The following SYN2 variants were observed in gnomAD, a reference collection of about 807,000 sequenced individuals.
The protein encoded by SYN2 is synapsin II, also known as synapsin-2.
In SYN2, 19 loss-of-function variants were observed where a neutral mutation model predicts 50.9. The ratio of observed to expected loss-of-function variants is 0.37; its 90% CI spans 0.26 to 0.55. The LOEUF (loss-of-function observed/expected upper bound fraction) is 0.55. Among genes scored for constraint, SYN2 ranks in the 20% least tolerant of loss-of-function variants. The pLI, the probability that SYN2 is intolerant of heterozygous loss-of-function variation, is 0.81. For synonymous variants in SYN2, 255 were observed against 224.9 expected, an observed-to-expected ratio of 1.13 and a Z score of -1.20; for missense variants, 587 against 576.4, an observed-to-expected ratio of 1.02 and a Z score of -0.19.
intron 11 of SYN2, chr3:12,184,321 C>A: frequency 1.0e-6 from 1 of 985,824 alleles, no homozygotes; most frequent in Non-Finnish European, 1.2e-6. Context: ...TGGATCCAGC[C>A]ATGTGTGCGC....
chr3:12,151,471 G>A lies in SYN2; in HGVS notation c.774+145G>A, dbSNP rs1348899127. On this transcript the variant is annotated intron_variant, in intron 5 of 12. Transcript: ENST00000621198. Reference sequence around the variant, plus strand: ...TTGAACTATAGAGCTTATGCGGCTGGAATAACTAGATTTTAGCTGACAGCC... The same window carrying A: ...TTGAACTATAGAGCTTATGCGGCTGAAATAACTAGATTTTAGCTGACAGCC... The A allele has an allele frequency of 6.5e-5, 41 of 628,980 alleles. No individual in the cohort carries two copies. The East Asian group carries it at 1.1e-3, about 17-fold the overall frequency. 39.0% of individuals were successfully genotyped at this position (628,980 alleles called of 1,614,324 possible). A position where few individuals can be genotyped will look rare whatever the true frequency, so the allele number is the denominator to read the frequency against.
At chr3:12,184,571 G>C (rs920112108) in intron 11 of SYN2, 3 of 985,802 alleles carry the variant, frequency 3.0e-6, no homozygotes, top group Non-Finnish European at 3.6e-6. Context: ...TCAGTTCTCA[G>C]CTGTTTACCA....
intron 1 of SYN2, among the ~76,000 whole-genome samples, chr3:12,058,353 A>G (rs902942525): frequency 6.6e-6 from 1 of 152,196 alleles, no homozygotes; most frequent in African/African-American, 2.4e-5. Context: ...CTGTGTGTAT[A>G]TATAGGACTA....
chr3:12,112,072 G>T (rs1000962605), intron 1 of SYN2, among the ~76,000 whole-genome samples: 1 of 152,184 alleles, frequency 6.6e-6, no homozygotes, highest in Non-Finnish European at 1.5e-5. Context: ...TAGAATCTCT[G>T]CTAAGAGGGG....
chr3:12,067,622 A>C (rs1695243596), intron 1 of SYN2, among the ~76,000 whole-genome samples: 1 of 151,886 alleles, frequency 6.6e-6, no homozygotes, highest in Non-Finnish European at 1.5e-5. Context: ...ACCAGAAAAA[A>C]AAAAAAAAGG....
At chr3:12,049,084 T>C (rs1286565172) in intron 1 of SYN2, among the ~76,000 whole-genome samples, 1 of 152,174 alleles carries the variant, frequency 6.6e-6, no homozygotes, top group Admixed American at 6.5e-5. Flanking sequence ...TCTCATTCAT[T>C]GAGCACATGC....
intron 1 of SYN2, among the ~76,000 whole-genome samples, chr3:12,049,196 C>T (rs1694804060): frequency 1.3e-5 from 2 of 151,820 alleles, no homozygotes; most frequent in Admixed American, 1.3e-4. Flanking sequence ...AACATTGGGC[C>T]CAAAAGAGCA....
At chr3:12,041,916 T>C (rs1694627110) in intron 1 of SYN2, among the ~76,000 whole-genome samples, 1 of 152,182 alleles carries the variant, frequency 6.6e-6, no homozygotes, top group South Asian at 2.1e-4. Flanking sequence ...GCTCAAAACG[T>C]TCCTTTCTTC....
intron 1 of SYN2, chr3:12,070,582 G>A (rs1695330019): frequency 1.5e-6 from 2 of 1,337,236 alleles, no homozygotes; most frequent in Admixed American, 3.6e-5. Flanking sequence ...AAGGCCAACA[G>A]AGAGAAGATG....
chr3:12,024,791 GGT>G (rs1399182139), intron 1 of SYN2, among the ~76,000 whole-genome samples: 1 of 152,044 alleles, frequency 6.6e-6, no homozygotes, highest in Non-Finnish European at 1.5e-5. Context: ...ATTCCTGCTG[GGT>G]GTGTACCCAG....
At chr3:12,172,185 A>G (rs1697951875) in intron 10 of SYN2, among the ~76,000 whole-genome samples, 1 of 152,214 alleles carries the variant, frequency 6.6e-6, no homozygotes. Flanking sequence ...GACCTTGGGC[A>G]AGTTACTTCC....
chr3:12,107,615 T>C (rs1378290200), intron 1 of SYN2, among the ~76,000 whole-genome samples: 1 of 152,106 alleles, frequency 6.6e-6, no homozygotes, highest in Admixed American at 6.6e-5. Context: ...CTTTAAAGAA[T>C]GCTGGCCAGT....
intron 10 of SYN2, among the ~76,000 whole-genome samples, chr3:12,175,126 C>G (rs1381762185): frequency 1.3e-5 from 2 of 152,146 alleles, no homozygotes; most frequent in Non-Finnish European, 2.9e-5. Flanking sequence ...AGTTGGCCTG[C>G]TTTTTATTAT....
intron 1 of SYN2, among the ~76,000 whole-genome samples, chr3:12,097,337 T>G (rs1695956328): frequency 6.6e-6 from 1 of 152,098 alleles, no homozygotes; most frequent in African/African-American, 2.4e-5. Context: ...CCGGGTGCGG[T>G]GGCTAATGCT....
chr3:12,015,025 C>T (rs1321953419), intron 1 of SYN2, among the ~76,000 whole-genome samples: 1 of 152,130 alleles, frequency 6.6e-6, no homozygotes, highest in Non-Finnish European at 1.5e-5. Context: ...CTTCTCCTGC[C>T]TTGCCTTTCT....
intron 9 of SYN2, among the ~76,000 whole-genome samples, chr3:12,169,388 C>G (rs1005111985): frequency 6.6e-6 from 1 of 152,204 alleles, no homozygotes; most frequent in African/African-American, 2.4e-5. Context: ...AAAGCACATG[C>G]TCCTAATCAG....
At chr3:12,123,309 C>T (rs1441716740) in intron 1 of SYN2, among the ~76,000 whole-genome samples, 2 of 152,004 alleles carry the variant, frequency 1.3e-5, no homozygotes. Context: ...GCATCAAAGA[C>T]AAAAAGTAGG....
intron 2 of SYN2, among the ~76,000 whole-genome samples, 157 bp downstream of exon 2, chr3:12,140,865 TTCTG>T (rs1289994972): frequency 6.6e-6 from 1 of 152,198 alleles, no homozygotes; most frequent in East Asian, 1.9e-4. Context: ...CCCAGGACCT[TTCTG>T]TCTGTGAGGC....
chr3:12,033,701 A>G (rs1238034429), intron 1 of SYN2, among the ~76,000 whole-genome samples: 4 of 152,124 alleles, frequency 2.6e-5, no homozygotes, highest in South Asian at 2.1e-4. Flanking sequence ...GGCAACCACT[A>G]ATTTACCTTC....
Sources: gnomAD v4.1 joint callset for allele counts (sites outside exome capture counted in the v4.1 genomes callset) on GRCh38, gnomAD v4.1.1 for gene constraint, MANE v1.5 for transcripts, NCBI Gene and HGNC (gene_info 2026-07-23, HGNC 2026-07-21) for gene names.